The following LGR6 variants were observed in gnomAD, a reference collection of about 807,000 sequenced individuals.
LGR6 encodes the protein leucine-rich repeat-containing G protein-coupled receptor 6.
LGR6 carries 45 observed loss-of-function variants against 69.4 expected under a neutral mutation model. That is an observed-to-expected ratio of 0.65 (90% CI 0.51 to 0.83). The LOEUF (loss-of-function observed/expected upper bound fraction) is 0.83. Among genes scored for constraint, LGR6 ranks in the 40% least tolerant of loss-of-function variants. The pLI, the probability that LGR6 is intolerant of heterozygous loss-of-function variation, is 0.00. For missense variants in LGR6, 1,108 were observed against 1,246.7 expected (o/e 0.89, Z 1.68); for synonymous variants, 538 against 555.0 (o/e 0.97, Z 0.43).
At chr1:202,261,800 A>G (rs1571916363) in intron 4 of LGR6, among the ~76,000 whole-genome samples, 4 of 152,240 alleles carry the variant, frequency 2.6e-5, no homozygotes, top group Admixed American at 2.6e-4. Flanking sequence ...ATAGTATCTC[A>G]TTGTGGTTTT....
intron 4 of LGR6, among the ~76,000 whole-genome samples, chr1:202,272,626 A>C (rs1665196995): frequency 6.6e-6 from 1 of 152,342 alleles, no homozygotes; most frequent in East Asian, 1.9e-4. Flanking sequence ...GCCCTGTTTT[A>C]AGCCAGTGCC....
intron 6 of LGR6, among the ~76,000 whole-genome samples, chr1:202,292,674 A>C (rs1351644034): frequency 6.6e-6 from 1 of 152,218 alleles, no homozygotes; most frequent in African/African-American, 2.4e-5. Flanking sequence ...CTCTTGCTCC[A>C]TTCCTGGCAT....
chr1:202,240,981 CTG>C (rs1662152564), intron 4 of LGR6, among the ~76,000 whole-genome samples: 1 of 152,170 alleles, frequency 6.6e-6, no homozygotes, highest in African/African-American at 2.4e-5. Context: ...ATCACCGTCT[CTG>C]TTATCAGATG....
At chr1:202,212,835 C>G (rs1020837731) in intron 1 of LGR6, among the ~76,000 whole-genome samples, 1 of 152,162 alleles carries the variant, frequency 6.6e-6, no homozygotes, top group African/African-American at 2.4e-5. Context: ...CACTTTCCCT[C>G]ACTCCCATGC....
At chr1:202,307,481 AC>A in intron 14 of LGR6, 80 bp downstream of exon 14, 1 of 1,195,046 alleles carries the variant, frequency 8.4e-7, no homozygotes, top group Non-Finnish European at 1.3e-6. Flanking sequence ...CAGAAGGGCC[AC>A]CCCAGAGCAG....
chr1:202,300,670 A>AG (rs1193443958), intron 7 of LGR6, among the ~76,000 whole-genome samples, 179 bp from the exon 8 acceptor site: 3 of 151,896 alleles, frequency 2.0e-5, no homozygotes, highest in African/African-American at 7.3e-5. Flanking sequence ...AAAAAAAAAA[A>AG]AAAGAAAGAA....
At chr1:202,204,281 AACAC>A (rs771838127) in intron 1 of LGR6, among the ~76,000 whole-genome samples, 10 of 119,978 alleles carry the variant, frequency 8.3e-5, no homozygotes, top group African/African-American at 3.2e-4. Flanking sequence ...CACACCTCCA[AACAC>A]ACACACCTGC....
chr1:202,207,960 G>A (rs370916431), intron 1 of LGR6, among the ~76,000 whole-genome samples: 10 of 152,312 alleles, frequency 6.6e-5, no homozygotes, highest in African/African-American at 2.4e-4. Context: ...TCCAGCTGTG[G>A]AGATAAATTC....
chr1:202,318,708 C>T lies in LGR6; in HGVS notation c.2405C>T (p.Pro802Leu), dbSNP rs773261805. ...LSFASMLGLF[P>L]VTPEAVKSVL... ...TTTGCCTCCATGCTGGGCCTCTTCC[C>T]TGTCACGCCCGAGGCCGTCAAGTCT... Residue 802 changes from proline to leucine, a missense_variant, in exon 18 of 18, where the codon CCT becomes CTT. Pro to Leu is a moderately conservative substitution (Grantham distance 98, BLOSUM62 -3). Coordinates refer to ENST00000367278, the MANE Select transcript of LGR6 (RefSeq NM_001017403.2). 2.0e-5 allele frequency: 32 copies of T among 1,613,514 alleles called. No individual in the cohort carries two copies. Among genetic ancestry groups the T allele is most frequent in the Non-Finnish European group, 2.7e-5 (32 of 1,179,994 alleles).
chr1:202,205,345 C>T (rs1456768543), intron 1 of LGR6, among the ~76,000 whole-genome samples: 1 of 12,916 alleles, frequency 7.7e-5, no homozygotes, highest in Non-Finnish European at 1.9e-4. Context: ...TAACACACCT[C>T]CTTCAAACAC....
intron 1 of LGR6, among the ~76,000 whole-genome samples, chr1:202,209,599 C>A (rs1489091550): frequency 6.6e-6 from 1 of 152,168 alleles, no homozygotes; most frequent in Non-Finnish European, 1.5e-5. Flanking sequence ...TATGAGTCAG[C>A]CTGGTCAATA....
chr1:202,271,443 C>T (rs1665090746), intron 4 of LGR6, among the ~76,000 whole-genome samples: 1 of 152,072 alleles, frequency 6.6e-6, no homozygotes, highest in South Asian at 2.1e-4. Context: ...GCTCTATAGC[C>T]AGGTGTCGAC....
rs60376943 is a variant in LGR6, at chr1:202,238,412, CTTTTT to C, written c.428+2441_428+2445del. 6.9e-3 allele frequency among the ~76,000 whole-genome samples: 576 copies of C among 83,974 alleles called. 10 individuals are homozygous for C. The highest frequency in any genetic ancestry group is 0.031 in the South Asian group (55 of 1,792). The allele number at this position is 83,974 out of a possible 152,430, so 55.1% of individuals were successfully genotyped here. ...GTAAGCCACTGTGCCCAGCCTGATC[CTTTTT>C]TTTTTTTTTTTTTTTTTTTTTAAGA... On this transcript the variant is annotated intron_variant, in intron 4 of 17. Transcript: ENST00000367278.
At chr1:202,303,006 G>GT (rs1667720908) in intron 9 of LGR6, among the ~76,000 whole-genome samples, 1 of 152,156 alleles carries the variant, frequency 6.6e-6, no homozygotes, top group African/African-American at 2.4e-5. Flanking sequence ...TGCATGTGGG[G>GT]TTTTTGCAAG....
intron 1 of LGR6, chr1:202,196,933 T>C: frequency 2.2e-6 from 1 of 462,866 alleles, no homozygotes; most frequent in South Asian, 1.7e-5. Flanking sequence ...TGGTGAAAAT[T>C]GGGGGTTGGG....
intron 11 of LGR6, among the ~76,000 whole-genome samples, chr1:202,305,399 C>T (rs1450665647): frequency 1.3e-5 from 2 of 152,142 alleles, no homozygotes; most frequent in African/African-American, 4.8e-5. Context: ...TGCCCCTCTC[C>T]CTGACTCTTT....
intron 4 of LGR6, among the ~76,000 whole-genome samples, chr1:202,260,007 G>A (rs973669734): frequency 6.6e-6 from 1 of 152,206 alleles, no homozygotes; most frequent in African/African-American, 2.4e-5. Context: ...CTGCCTGGAA[G>A]TAAAAGCCAA....
At position 202,297,431 on chromosome 1, in the gene LGR6, C is replaced by T. The variant is rs1667241218; in HGVS notation, c.717-77C>T. 2.4e-6 allele frequency: 3 copies of T among 1,229,992 alleles called. No homozygotes were observed. The African/African-American group carries it at 4.6e-5, about 19-fold the overall frequency. The allele number at this position is 1,229,992 out of a possible 1,614,324, so 76.2% of individuals were successfully genotyped here. A position where few individuals can be genotyped will look rare whatever the true frequency, so the allele number is the denominator to read the frequency against. On this transcript the variant is annotated intron_variant, in intron 6 of 17. Transcript: ENST00000367278. The stretch of plus-strand genomic sequence containing the variant: ...CCATCTCCCTGGCCAAGCCCAGAGC[C>T]AAGTTTCCATTTCTCAGGGACCCTG...
chr1:202,300,857 A>G lies in LGR6; in HGVS notation c.794A>G (p.His265Arg). Reference sequence around the variant, plus strand: ...CTGGTGTTGTCTTCCAGGGGGTTCCATAACAACAACATCAAGGCCATCCCA... The same window carrying G: ...CTGGTGTTGTCTTCCAGGGGGTTCCGTAACAACAACATCAAGGCCATCCCA... ...TLGRLQELGF[H>R]NNNIKAIPEK... The change falls in exon 8 of 18, where the codon CAT (histidine) becomes CGT (arginine). Residue 265 changes from histidine to arginine, a missense_variant. Transcript: ENST00000367278. 2.5e-6 allele frequency: 4 copies of G among 1,610,788 alleles called. No individual in the cohort carries two copies. Among genetic ancestry groups the G allele is most frequent in the East Asian group, 4.5e-5 (2 of 44,830 alleles).
Sources: allele counts gnomAD v4.1 joint callset (sites outside exome capture counted in the v4.1 genomes callset), GRCh38; gene constraint gnomAD v4.1.1; transcripts MANE v1.5; gene names NCBI Gene and HGNC (gene_info 2026-07-23, HGNC 2026-07-21).